The following PAPOLG variants were observed in gnomAD, a reference collection of about 807,000 sequenced individuals.
The protein encoded by PAPOLG is poly(A) polymerase gamma, also known as PAP-gamma.
PAPOLG carries 40 observed loss-of-function variants against 99.0 expected under a neutral mutation model. That is an observed-to-expected ratio of 0.40 (90% confidence interval 0.31 to 0.53). PAPOLG has a LOEUF of 0.53. PAPOLG is among the 20% of genes least tolerant of loss of function. PAPOLG has a pLI of 0.41. For synonymous variants in PAPOLG, 310 were observed against 299.3 expected (o/e 1.04, Z -0.37); for missense variants, 675 against 884.1 (o/e 0.76, Z 3.00).
In PAPOLG at chr2:60,756,284, C is replaced by G. The variant is rs1412372423; in HGVS notation, c.-195C>G. ...CGGCGCCATATTGGCGTCGGCCGCGCTGTATTGTCATAAATAGAGCCGGTT... is the reference window on the plus strand; with the variant it reads ...CGGCGCCATATTGGCGTCGGCCGCGGTGTATTGTCATAAATAGAGCCGGTT... On this transcript the variant is annotated 5_prime_UTR_variant, in exon 1 of 22. Transcript: ENST00000238714. 2 of 653,698 alleles carry G rather than the reference C, an allele frequency of 3.1e-6. No individual in the cohort carries two copies. Among genetic ancestry groups the G allele is most frequent in the East Asian group, 6.1e-5 (2 of 32,602 alleles). 40.5% of individuals were successfully genotyped at this position (653,698 alleles called of 1,614,324 possible).
chr2:60,781,856 G>A, intron 10 of PAPOLG, 29 bp from the exon 11 acceptor site: 1 of 1,613,230 alleles, frequency 6.2e-7, no homozygotes. Context: ...TAGGAGAATA[G>A]ATCAGTTATT....
In PAPOLG at chr2:60,768,472, C is replaced by G. The variant is rs1170345511; in HGVS notation, c.249C>G (p.Asn83Lys). 6.2e-7 allele frequency: 1 copy of G among 1,613,516 alleles called. No individual in the cohort carries two copies. Among genetic ancestry groups the G allele is most frequent in the Non-Finnish European group, 8.5e-7 (1 of 1,179,782 alleles). ...TCTTCCGCTTAATTTTATTTTAGAA[C>G]CTCCCACCTTCTGTTGTGGCTACTG... Reference protein sequence around the residue: ...EWISDVSESKNLPPSVVATVG... With the variant: ...EWISDVSESKKLPPSVVATVG... The change falls in exon 4 of 22, where the codon AAC becomes AAG. Residue 83 changes from asparagine (N) to lysine (K), a missense_variant and splice_region_variant. Transcript: ENST00000238714.
chr2:60,782,746 C>G lies in PAPOLG; in HGVS notation c.1088C>G (p.Pro363Arg), dbSNP rs1349460258. Residue 363 changes from proline (P) to arginine (R), a missense_variant, in exon 12 of 22, where the codon CCA becomes CGA. Physicochemically the swap from Pro to Arg is moderately radical, Grantham distance 103. This residue lies in a region of PAPOLG where 413 missense variants were observed against 460.5 expected (regional missense o/e 0.90). Coordinates refer to ENST00000238714, the MANE Select transcript of PAPOLG (RefSeq NM_022894.4). ...GKSDWSKLLE[P>R]PNFFQKYRHY... ...TCAGATTGGTCCAAACTACTTGAGCCACCGAATTTCTTTCAAAAGTATAGG... is the reference window on the plus strand; with the variant it reads ...TCAGATTGGTCCAAACTACTTGAGCGACCGAATTTCTTTCAAAAGTATAGG... 5 of 1,569,004 alleles carry G rather than the reference C, an allele frequency of 3.2e-6. No homozygotes were observed. The highest frequency in any genetic ancestry group is 4.3e-6 in the Non-Finnish European group (5 of 1,164,744).
At chr2:60,793,294 C>G (rs939210958) in intron 17 of PAPOLG, among the ~76,000 whole-genome samples, 1 of 147,562 alleles carries the variant, frequency 6.8e-6, no homozygotes, top group Non-Finnish European at 1.5e-5. Flanking sequence ...TGGTGGGTCA[C>G]ATCTATAATT....
chr2:60,776,000 T>G (rs968369175), intron 8 of PAPOLG, among the ~76,000 whole-genome samples: 75 of 152,318 alleles, frequency 4.9e-4, no homozygotes, highest in Non-Finnish European at 5.6e-4. Context: ...CCTGACCTTG[T>G]GATCCGCTCG....
intron 3 of PAPOLG, among the ~76,000 whole-genome samples, chr2:60,766,949 A>G (rs1365836499): frequency 1.3e-5 from 2 of 152,206 alleles, no homozygotes; most frequent in South Asian, 4.1e-4. Flanking sequence ...TTTGAGTACA[A>G]CAACTATATT....
chr2:60,759,420 C>G (rs144920385), intron 1 of PAPOLG, among the ~76,000 whole-genome samples: 26 of 151,822 alleles, frequency 1.7e-4, no homozygotes, highest in Non-Finnish European at 2.9e-4. Flanking sequence ...TTATTCAAGA[C>G]CGTAGTTTCT....
intron 10 of PAPOLG, among the ~76,000 whole-genome samples, chr2:60,781,264 C>A (rs915623968): frequency 6.6e-6 from 1 of 151,700 alleles, no homozygotes; most frequent in Non-Finnish European, 1.5e-5. Context: ...GGCTGAGGCA[C>A]GAGAATCACC....
At chr2:60,771,721 G>C (rs1326955602) in intron 7 of PAPOLG, 91 bp downstream of exon 7, 1 of 1,366,824 alleles carries the variant, frequency 7.3e-7, no homozygotes, top group South Asian at 1.3e-5. Flanking sequence ...CAGTTTTGGA[G>C]ATTGGACTCA....
Position 60,756,289 on chromosome 2 carries a change from T to G in PAPOLG, c.-190T>G. ...CCATATTGGCGTCGGCCGCGCTGTA[T>G]TGTCATAAATAGAGCCGGTTTTGTG... is the stretch of plus-strand genomic sequence containing the variant. On this transcript the variant is annotated 5_prime_UTR_variant, in exon 1 of 22. Coordinates refer to ENST00000238714, the MANE Select transcript of PAPOLG (RefSeq NM_022894.4). 1.5e-6 allele frequency: 1 copy of G among 673,946 alleles called. No homozygotes were observed. The highest frequency in any genetic ancestry group is 2.6e-6 in the Non-Finnish European group (1 of 383,142). The allele number at this position is 673,946 out of a possible 1,614,324, so 41.7% of individuals were successfully genotyped here. A position where few individuals can be genotyped will look rare whatever the true frequency, so the allele number is the denominator to read the frequency against.
intron 3 of PAPOLG, among the ~76,000 whole-genome samples, chr2:60,764,790 G>A (rs1189832453): frequency 6.6e-6 from 1 of 152,046 alleles, no homozygotes; most frequent in Non-Finnish European, 1.5e-5. Flanking sequence ...TGTAGAATTG[G>A]TTCTTTTAAA....
At chr2:60,761,664 A>C in intron 2 of PAPOLG, 77 bp from the exon 3 acceptor site, 1 of 1,235,140 alleles carries the variant, frequency 8.1e-7, no homozygotes, top group Non-Finnish European at 1.2e-6. Flanking sequence ...CACAAAGGGT[A>C]CTGCCTATAT....
intron 3 of PAPOLG, among the ~76,000 whole-genome samples, chr2:60,766,465 A>G (rs1670678028): frequency 6.6e-6 from 1 of 151,878 alleles, no homozygotes; most frequent in Non-Finnish European, 1.5e-5. Context: ...GGAACTTGAG[A>G]CCAGCCTGGG....
chr2:60,775,190 C>T, intron 8 of PAPOLG, 67 bp downstream of exon 8: 1 of 1,507,112 alleles, frequency 6.6e-7, no homozygotes, highest in Non-Finnish European at 9.0e-7. Flanking sequence ...GTGAAAGAAG[C>T]ATATATAGAA....
rs1367658481 is a variant in PAPOLG at position 60,782,779 on chromosome 2, AATTTTGT to A, written c.1112+19_1112+25del. On this transcript the variant is annotated intron_variant, in intron 12 of 21. Transcript: ENST00000238714. ...TTCTTTCAAAAGTATAGGTACGTGAAATTTTGTATTTTGTATGTATGTGATTTTTTTT... is the reference window on the plus strand; with the variant it reads ...TTCTTTCAAAAGTATAGGTACGTGAAATTTTGTATGTATGTGATTTTTTTT... 1 of 1,549,628 alleles carries A rather than the reference AATTTTGT, an allele frequency of 6.5e-7. No individual in the cohort carries two copies. The highest frequency in any genetic ancestry group is 8.6e-7 in the Non-Finnish European group (1 of 1,157,656).
rs1437685775 is a variant in PAPOLG, at chr2:60,798,794, T to C, written c.*1634T>C. ...CGTATCCTCCAGGTCCCACTCCTGT[T>C]CATTGCCCCTTAGGTCTCCAAAATG... On this transcript the variant is annotated 3_prime_UTR_variant, in exon 22 of 22. Transcript: ENST00000238714. 2.0e-5 allele frequency: 3 copies of C among 152,398 alleles called. No individual in the cohort carries two copies. The highest frequency in any genetic ancestry group is 7.2e-5 in the African/African-American group (3 of 41,462). The allele number at this position is 152,398 out of a possible 1,614,324, so 9.4% of individuals were successfully genotyped here. A position where few individuals can be genotyped will look rare whatever the true frequency, so the allele number is the denominator to read the frequency against.
intron 1 of PAPOLG, among the ~76,000 whole-genome samples, chr2:60,759,351 G>C (rs1670453724): frequency 6.7e-6 from 1 of 149,870 alleles, no homozygotes; most frequent in Non-Finnish European, 1.5e-5. Flanking sequence ...CTGGGAGACA[G>C]AGAGAGACTC....
Position 60,793,972 on chromosome 2 carries a change from A to G in PAPOLG, c.1770A>G (p.Lys590=). The part of the protein sequence containing the change: ...QGLSIPVIGA[K]VDSTVKTVSP... ...TAAAATCCTTTTTTTCCTTTTCAGA[A>G]GTTGACTCTACAGTAAAAACTGTAT... is the stretch of plus-strand genomic sequence containing the variant. Residue 590 remains lysine (K), a splice_region_variant and synonymous_variant, in exon 19 of 22, where the codon AAA becomes AAG. Transcript: ENST00000238714. 2 of 1,602,380 alleles carry G rather than the reference A, an allele frequency of 1.2e-6. No individual in the cohort carries two copies. Among genetic ancestry groups the G allele is most frequent in the Non-Finnish European group, 1.7e-6 (2 of 1,173,996 alleles).
intron 9 of PAPOLG, 95 bp from the exon 10 acceptor site, chr2:60,780,612 C>A (rs577884114): frequency 7.8e-7 from 1 of 1,286,732 alleles, no homozygotes; most frequent in Non-Finnish European, 1.1e-6. Flanking sequence ...AGAACATTCA[C>A]TCTGTAGAAG....
Sources: gnomAD v4.1 joint callset for allele counts (sites outside exome capture counted in the v4.1 genomes callset) on GRCh38, gnomAD v4.1.1 for gene constraint, gnomAD v4.1.1 regional missense constraint, MANE v1.5 for transcripts, NCBI Gene and HGNC (gene_info 2026-07-23, HGNC 2026-07-21) for gene names.